The following RTN4 variants were observed in gnomAD, a reference collection of about 807,000 sequenced individuals.
The protein encoded by RTN4 is reticulon-4.
A neutral mutation model predicts 90.4 loss-of-function variants in RTN4; 32 were observed. The ratio of observed to expected loss-of-function variants is 0.35; its 90% confidence interval spans 0.27 to 0.48. The LOEUF (loss-of-function observed/expected upper bound fraction) is 0.48, where lower values mean the gene tolerates loss of function less well. RTN4 is among the 20% of genes least tolerant of loss of function. RTN4 has a pLI of 0.99. For synonymous variants in RTN4, 629 were observed against 552.5 expected (o/e 1.14, Z -1.94); for missense variants, 1,706 against 1,430.2 (o/e 1.19, Z -3.11).
chr2:54,991,112 C>T (rs1396598291), intron 3 of RTN4, among the ~76,000 whole-genome samples: 1 of 152,128 alleles, frequency 6.6e-6, no homozygotes, highest in Non-Finnish European at 1.5e-5. Context: ...TGAACAAATG[C>T]TCCTTTATAA....
chr2:55,093,971 C>T (rs1340060619), intron 1 of RTN4, among the ~76,000 whole-genome samples: 1 of 152,078 alleles, frequency 6.6e-6, no homozygotes, highest in African/African-American at 2.4e-5. Flanking sequence ...ATGAAAGAGT[C>T]ACAATTTTCT....
chr2:54,989,453 CT>C (rs1269346950), intron 3 of RTN4, among the ~76,000 whole-genome samples: 5 of 152,152 alleles, frequency 3.3e-5, no homozygotes, highest in African/African-American at 1.2e-4. Context: ...ACTAGCACAA[CT>C]GAGGACTGAC....
At chr2:55,032,046 C>A (rs1202031656) in intron 1 of RTN4, among the ~76,000 whole-genome samples, 2 of 150,468 alleles carry the variant, frequency 1.3e-5, no homozygotes, top group Non-Finnish European at 3.0e-5. Context: ...GAAAGAATAG[C>A]AAATATAAAC....
At chr2:55,033,470 C>T (rs181480833) in intron 1 of RTN4, among the ~76,000 whole-genome samples, 3 of 152,282 alleles carry the variant, frequency 2.0e-5, no homozygotes, top group South Asian at 2.1e-4. Context: ...CAAACCAGAG[C>T]GGGTCATCCA....
chr2:55,113,432 A>G (rs2105070112), upstream of RTN4, among the ~76,000 whole-genome samples: 1 of 152,160 alleles, frequency 6.6e-6, no homozygotes, highest in South Asian at 2.1e-4. Context: ...ACTACCTCCC[A>G]CTCATTTAGC....
chr2:55,118,141 G>C, the RTN4 span, among the ~76,000 whole-genome samples: 1 of 152,090 alleles, frequency 6.6e-6, no homozygotes, highest in African/African-American at 2.4e-5. Context: ...CACCGATCTA[G>C]TCTACTCTCA....
Position 55,013,611 on chromosome 2 carries a change from G to C in RTN4, c.3013+11475C>G, listed in dbSNP as rs537577205. Among the ~76,000 whole-genome samples the C allele has an allele frequency of 9.4e-5, 11 of 117,550 alleles. 1 individual carries two copies. Among genetic ancestry groups the C allele is most frequent in the South Asian group, 6.4e-4 (2 of 3,136 alleles). 77.1% of individuals were successfully genotyped at this position (117,550 alleles called of 152,430 possible). A position where few individuals can be genotyped will look rare whatever the true frequency, so the allele number is the denominator to read the frequency against. ...TGTTTTTTGGTGGGTTTTTTTTTGG[G>C]GGGGGGGGAGGGTGTAGGGGGGGTG... On this transcript the variant is annotated intron_variant, in intron 3 of 8. Transcript: ENST00000337526.
At chr2:55,135,981 G>A in the RTN4 span, among the ~76,000 whole-genome samples, 9 of 152,170 alleles carry the variant, frequency 5.9e-5, no homozygotes, top group African/African-American at 2.2e-4. Context: ...GCAGATATGA[G>A]CAAGGCAGGA....
intron 3 of RTN4, among the ~76,000 whole-genome samples, chr2:54,993,381 T>A (rs575871620): frequency 3.5e-4 from 53 of 152,316 alleles, no homozygotes; most frequent in African/African-American, 1.2e-3. Flanking sequence ...GGTTAATAAA[T>A]ATTTGGATCC....
At chr2:55,006,400 G>A (rs761802950) in intron 3 of RTN4, among the ~76,000 whole-genome samples, 4 of 152,056 alleles carry the variant, frequency 2.6e-5, no homozygotes, top group African/African-American at 7.2e-5. Context: ...CCCGAGTAAG[G>A]CATTTCAAAC....
At chr2:55,111,953 C>G (rs1229713518) in intron 1 of RTN4, among the ~76,000 whole-genome samples, 1 of 152,192 alleles carries the variant, frequency 6.6e-6, no homozygotes, top group Non-Finnish European at 1.5e-5. Flanking sequence ...GCTCTCAAAA[C>G]TGCTTCAACC....
At chr2:55,025,000 CATAAT>C (rs1257063308) in intron 3 of RTN4, 81 bp downstream of exon 3, 1 of 1,458,088 alleles carries the variant, frequency 6.9e-7, no homozygotes, top group Non-Finnish European at 9.2e-7. Context: ...ACACTATAAA[CATAAT>C]ATAAAACACA....
chr2:55,019,346 G>A (rs1681264307), intron 3 of RTN4, among the ~76,000 whole-genome samples: 1 of 152,136 alleles, frequency 6.6e-6, no homozygotes, highest in Admixed American at 6.6e-5. Context: ...AATTGGAGGG[G>A]CGAATTTTGA....
chr2:55,044,864 C>T (rs532740080), intron 1 of RTN4, among the ~76,000 whole-genome samples: 13 of 147,446 alleles, frequency 8.8e-5, no homozygotes, highest in African/African-American at 3.3e-4. Flanking sequence ...CATAATTCAC[C>T]ATATCCATGA....
At chr2:55,029,703 T>A (rs1458375530) in intron 1 of RTN4, among the ~76,000 whole-genome samples, 1 of 152,110 alleles carries the variant, frequency 6.6e-6, no homozygotes. Context: ...AAGTCATACT[T>A]AAAGGATTCC....
intron 1 of RTN4, among the ~76,000 whole-genome samples, chr2:55,029,288 A>T (rs1349385189): frequency 6.6e-6 from 1 of 152,188 alleles, no homozygotes. Context: ...ATTTCTGTTC[A>T]GCCACCCAGC....
At chr2:55,071,436 A>G (rs1185618224) in intron 2 of RTN4, among the ~76,000 whole-genome samples, 1 of 151,952 alleles carries the variant, frequency 6.6e-6, no homozygotes, top group African/African-American at 2.4e-5. Flanking sequence ...CGGTCTTTTC[A>G]GAAACTGGAA....
In RTN4 at chr2:54,972,340, A is replaced by G. The variant is rs1267652852; in HGVS notation, c.*816T>C. The G allele has an allele frequency of 6.6e-6, 1 of 152,602 alleles. No individual in the cohort carries two copies. The highest frequency in any genetic ancestry group is 1.5e-5 in the Non-Finnish European group (1 of 67,992). 9.5% of individuals were successfully genotyped at this position (152,602 alleles called of 1,614,324 possible). A position where few individuals can be genotyped will look rare whatever the true frequency, so the allele number is the denominator to read the frequency against. On this transcript the variant is annotated 3_prime_UTR_variant, in exon 9 of 9. Coordinates refer to ENST00000337526, the MANE Select transcript of RTN4 (RefSeq NM_020532.5). ...TAACAATGTTTGATATTTGCAAACAAACAACATTTTTGGAAGCATTAGATT... is the reference window on the plus strand; with the variant it reads ...TAACAATGTTTGATATTTGCAAACAGACAACATTTTTGGAAGCATTAGATT...
chr2:55,119,721 C>G, the RTN4 span, among the ~76,000 whole-genome samples: 1 of 152,142 alleles, frequency 6.6e-6, no homozygotes, highest in Admixed American at 6.5e-5. Flanking sequence ...AGGGATCTCC[C>G]AGGGCAACCT....
Sources: allele counts gnomAD v4.1 joint callset (sites outside exome capture counted in the v4.1 genomes callset), GRCh38; gene constraint gnomAD v4.1.1; transcripts MANE v1.5; gene names NCBI Gene and HGNC (gene_info 2026-07-23, HGNC 2026-07-21).